The following RBFOX1 variants were observed in gnomAD, a reference collection of about 807,000 sequenced individuals.
RBFOX1 encodes the protein RNA binding protein fox-1 homolog 1.
Under a neutral mutation model 57.7 loss-of-function variants are expected in RBFOX1, and 8 were observed. That is an observed-to-expected ratio of 0.14 (90% CI 0.08 to 0.25). The LOEUF (loss-of-function observed/expected upper bound fraction) is 0.25. RBFOX1 is among the 10% of genes least tolerant of loss of function. RBFOX1 has a pLI of 1.00. For missense variants in RBFOX1, 611 were observed against 548.5 expected (o/e 1.11, Z -1.14); for synonymous variants, 326 against 222.4 (o/e 1.47, Z -4.15).
At chr16:6,517,007 C>T (rs1162520292) in intron 2 of RBFOX1, among the ~76,000 whole-genome samples, 1 of 152,158 alleles carries the variant, frequency 6.6e-6, no homozygotes, top group Non-Finnish European at 1.5e-5. Context: ...AGCATAAATT[C>T]CTACTAGTGT....
chr16:5,279,887 G>A (rs1022186775), intron 1 of RBFOX1, among the ~76,000 whole-genome samples: 5 of 152,168 alleles, frequency 3.3e-5, no homozygotes, highest in African/African-American at 1.2e-4. Context: ...TGCAAAGTGA[G>A]CCAATTTGAC....
At chr16:5,532,862 C>G (rs1193697704) in intron 2 of RBFOX1, among the ~76,000 whole-genome samples, 1 of 152,188 alleles carries the variant, frequency 6.6e-6, no homozygotes, top group Non-Finnish European at 1.5e-5. Flanking sequence ...TTCCAACAGA[C>G]TCTTCTCCTT....
intron 3 of RBFOX1, among the ~76,000 whole-genome samples, chr16:5,817,206 G>A (rs1221363007): frequency 6.6e-6 from 1 of 152,070 alleles, no homozygotes; most frequent in East Asian, 1.9e-4. Context: ...GTGTGTGTTG[G>A]GGTGTGCACT....
At chr16:7,400,111 G>A (rs1335096206) in intron 4 of RBFOX1, among the ~76,000 whole-genome samples, 1 of 152,114 alleles carries the variant, frequency 6.6e-6, no homozygotes, top group Admixed American at 6.5e-5. Flanking sequence ...TAAGAAAGTG[G>A]CACAGTTGGT....
chr16:6,274,839 T>C lies in RBFOX1; in HGVS notation c.-126-42156T>C, dbSNP rs1279894144. On this transcript the variant is annotated intron_variant, in intron 1 of 15. Transcript: ENST00000550418. ...CAGAGAATGAGCAGAAGGAGGACAG[T>C]TGAACTTTCCTACATAGGCTGTTCT... 2.0e-5 allele frequency among the ~76,000 whole-genome samples: 3 copies of C among 152,194 alleles called. No individual in the cohort carries two copies. The East Asian group carries it at 5.8e-4, about 29-fold the overall frequency.
At chr16:7,600,590 C>A (rs1333597782) in intron 9 of RBFOX1, among the ~76,000 whole-genome samples, 1 of 152,138 alleles carries the variant, frequency 6.6e-6, no homozygotes, top group Non-Finnish European at 1.5e-5. Context: ...ATAATTCATT[C>A]TCACAAAGCA....
chr16:6,889,634 C>T (rs1450489438), intron 3 of RBFOX1, among the ~76,000 whole-genome samples: 4 of 152,142 alleles, frequency 2.6e-5, no homozygotes, highest in South Asian at 2.1e-4. Flanking sequence ...AATCCATATC[C>T]GTAAGCCCAT....
intron 3 of RBFOX1, among the ~76,000 whole-genome samples, chr16:5,645,802 A>G (rs963697924): frequency 9.5e-4 from 144 of 152,314 alleles, no homozygotes; most frequent in African/African-American, 3.3e-3. Flanking sequence ...AGTAGCTAGA[A>G]CTACAGGCAT....
intron 4 of RBFOX1, among the ~76,000 whole-genome samples, chr16:7,227,805 C>T (rs924241080): frequency 1.6e-4 from 25 of 152,214 alleles, no homozygotes; most frequent in African/African-American, 6.0e-4. Flanking sequence ...TACCTCATCA[C>T]GGCAGCTGCA....
At chr16:6,311,810 AG>A (rs2152764234) in intron 1 of RBFOX1, among the ~76,000 whole-genome samples, 1 of 152,248 alleles carries the variant, frequency 6.6e-6, no homozygotes, top group African/African-American at 2.4e-5. Flanking sequence ...AGGTGGCTTC[AG>A]TGCACTTCCT....
chr16:5,619,424 C>T (rs926369693), intron 3 of RBFOX1, among the ~76,000 whole-genome samples: 2 of 152,184 alleles, frequency 1.3e-5, no homozygotes, highest in Non-Finnish European at 2.9e-5. Context: ...GATTGCTTTG[C>T]AAGGTAAGCT....
intron 4 of RBFOX1, among the ~76,000 whole-genome samples, chr16:7,118,494 G>C (rs1287151493): frequency 6.6e-6 from 1 of 152,110 alleles, no homozygotes; most frequent in Non-Finnish European, 1.5e-5. Flanking sequence ...CAATTCAGTT[G>C]ACAGGTACAC....
chr16:6,314,315 C>T (rs1341537405), intron 1 of RBFOX1, among the ~76,000 whole-genome samples: 1 of 152,156 alleles, frequency 6.6e-6, no homozygotes, highest in Non-Finnish European at 1.5e-5. Flanking sequence ...CCTTGCCTTC[C>T]AGAAATTCAC....
At chr16:5,725,855 G>A (rs1479789806) in intron 3 of RBFOX1, among the ~76,000 whole-genome samples, 1 of 151,910 alleles carries the variant, frequency 6.6e-6, no homozygotes, top group African/African-American at 2.4e-5. Flanking sequence ...GTTGGCACTG[G>A]CATGAGGAGG....
At chr16:7,414,373 T>C (rs2098459195) in intron 4 of RBFOX1, among the ~76,000 whole-genome samples, 1 of 152,112 alleles carries the variant, frequency 6.6e-6, no homozygotes, top group South Asian at 2.1e-4. Flanking sequence ...TGGTCAAAAG[T>C]CTTTCTGAGA....
chr16:6,893,739 A>G lies in RBFOX1; in HGVS notation c.-15-158318A>G, dbSNP rs1797066119. Among the ~76,000 whole-genome samples, 2 of 152,218 alleles carry G rather than the reference A, an allele frequency of 1.3e-5. 1 individual carries two copies. Among genetic ancestry groups the G allele is most frequent in the South Asian group, 4.1e-4 (2 of 4,834 alleles). ...TAATTTGTGATGAATTTTCATTTGC[A>G]TTTATCATGAAGACCAAAACACATG... On this transcript the variant is annotated intron_variant, in intron 3 of 15. Transcript: ENST00000550418.
At chr16:6,806,819 T>TAAATAA (rs2086896761) in intron 3 of RBFOX1, among the ~76,000 whole-genome samples, 1 of 77,400 alleles carries the variant, frequency 1.3e-5, no homozygotes, top group Non-Finnish European at 2.7e-5. Context: ...AATATATAAA[T>TAAATAA]ATATATATAT....
chr16:7,635,998 A>G (rs982573675), intron 11 of RBFOX1, among the ~76,000 whole-genome samples: 1 of 152,100 alleles, frequency 6.6e-6, no homozygotes, highest in African/African-American at 2.4e-5. Context: ...TTTTTAGTAG[A>G]GACGGAGTTT....
chr16:6,675,795 C>T (rs891953602), intron 3 of RBFOX1, among the ~76,000 whole-genome samples: 1 of 152,084 alleles, frequency 6.6e-6, no homozygotes, highest in Non-Finnish European at 1.5e-5. Flanking sequence ...ATGGGAAAAC[C>T]ACTGCTACGA....
Sources: gnomAD v4.1 joint callset for allele counts (sites outside exome capture counted in the v4.1 genomes callset) on GRCh38, gnomAD v4.1.1 for gene constraint, MANE v1.5 for transcripts, NCBI Gene and HGNC (gene_info 2026-07-23, HGNC 2026-07-21) for gene names.